UNC13C: variants seen among roughly 807,000 people sequenced by gnomAD.
The protein encoded by UNC13C is unc-13 homolog C.
In UNC13C, 174 loss-of-function variants were observed where a neutral mutation model predicts 245.4. The observed-to-expected ratio is 0.71, with a 90% CI of 0.63 to 0.80. The LOEUF (loss-of-function observed/expected upper bound fraction) is 0.80, where lower values mean the gene tolerates loss of function less well. UNC13C is among the 30% of genes least tolerant of loss of function. The pLI is 0.00. For missense variants in UNC13C, 2,829 were observed against 2,602.9 expected (o/e 1.09, Z -1.89); for synonymous variants, 992 against 895.1 (o/e 1.11, Z -1.93).
chr15:53,898,497 TC>T, the UNC13C span, among the ~76,000 whole-genome samples: 1 of 151,946 alleles, frequency 6.6e-6, no homozygotes, highest in African/African-American at 2.4e-5. Flanking sequence ...ATCAAACATT[TC>T]CCCAAACAGT....
intron 19 of UNC13C, among the ~76,000 whole-genome samples, chr15:54,417,591 T>C (rs1192750422): frequency 6.6e-6 from 1 of 152,202 alleles, no homozygotes; most frequent in Non-Finnish European, 1.5e-5. Flanking sequence ...CATATTTAAC[T>C]ATGATTCAGC....
At chr15:54,171,743 C>T (rs1053608705) in intron 4 of UNC13C, among the ~76,000 whole-genome samples, 2 of 152,018 alleles carry the variant, frequency 1.3e-5, no homozygotes, top group African/African-American at 4.8e-5. Flanking sequence ...TCCAGCAATC[C>T]CACTGCTAGG....
At chr15:54,126,425 G>A (rs981176722) in intron 2 of UNC13C, among the ~76,000 whole-genome samples, 20 of 151,946 alleles carry the variant, frequency 1.3e-4, no homozygotes, top group African/African-American at 2.9e-4. Flanking sequence ...AGAAGACATC[G>A]CAACAAAAAT....
At chr15:53,953,084 CA>C in the UNC13C span, among the ~76,000 whole-genome samples, 3 of 152,192 alleles carry the variant, frequency 2.0e-5, no homozygotes, top group Non-Finnish European at 4.4e-5. Flanking sequence ...CAGCTGCTTT[CA>C]GGGGGTAATT....
At chr15:54,102,428 T>C (rs1900211440) in intron 2 of UNC13C, among the ~76,000 whole-genome samples, 1 of 152,204 alleles carries the variant, frequency 6.6e-6, no homozygotes, top group Admixed American at 6.5e-5. Flanking sequence ...GCAGACTTGC[T>C]GCTGTACGAC....
intron 4 of UNC13C, among the ~76,000 whole-genome samples, chr15:54,147,833 G>A (rs1276286615): frequency 1.0e-5 from 1 of 97,344 alleles, no homozygotes; most frequent in Non-Finnish European, 2.5e-5. Context: ...TATTCTCTAA[G>A]CACCAGACTT....
chr15:54,533,716 C>G (rs1356126083), intron 26 of UNC13C, among the ~76,000 whole-genome samples: 1 of 152,108 alleles, frequency 6.6e-6, no homozygotes, highest in Non-Finnish European at 1.5e-5. Context: ...GTTGGTTGCT[C>G]TGTTTGTTTT....
intron 22 of UNC13C, among the ~76,000 whole-genome samples, chr15:54,503,196 C>T (rs1894305892): frequency 6.6e-6 from 1 of 151,928 alleles, no homozygotes; most frequent in Non-Finnish European, 1.5e-5. Flanking sequence ...CAATTGTCAG[C>T]AGGATATAGT....
At chr15:54,024,962 T>C (rs1304851584) in intron 2 of UNC13C, among the ~76,000 whole-genome samples, 1 of 152,148 alleles carries the variant, frequency 6.6e-6, no homozygotes, top group Non-Finnish European at 1.5e-5. Context: ...GGAATTTTGC[T>C]AACCACTTCA....
chr15:53,973,226 G>T (rs563234117), upstream of UNC13C, among the ~76,000 whole-genome samples: 1 of 151,962 alleles, frequency 6.6e-6, no homozygotes, highest in African/African-American at 2.4e-5. Flanking sequence ...CTCTGGAAAC[G>T]TCGCCATTAT....
At chr15:54,489,647 G>A (rs574563600) in intron 19 of UNC13C, among the ~76,000 whole-genome samples, 2 of 152,306 alleles carry the variant, frequency 1.3e-5, no homozygotes, top group South Asian at 2.1e-4. Flanking sequence ...CAGCAAGGAA[G>A]GCTGGAAAAT....
chr15:53,988,934 T>C (rs1211534909), intron 1 of UNC13C, among the ~76,000 whole-genome samples: 2 of 151,964 alleles, frequency 1.3e-5, no homozygotes, highest in African/African-American at 4.8e-5. Context: ...TATCTCCATA[T>C]TGTCAGTATT....
intron 19 of UNC13C, among the ~76,000 whole-genome samples, chr15:54,438,576 C>A (rs980868736): frequency 6.6e-6 from 1 of 151,920 alleles, no homozygotes; most frequent in Non-Finnish European, 1.5e-5. Context: ...GCAGAGCATA[C>A]CTTAATGTTT....
chr15:54,188,153 T>C (rs768999199), intron 4 of UNC13C, among the ~76,000 whole-genome samples: 36 of 152,142 alleles, frequency 2.4e-4, no homozygotes, highest in Admixed American at 6.5e-5. Context: ...TGCTCCTCAG[T>C]ATCTAGAAGA....
chr15:53,944,154 A>G, the UNC13C span, among the ~76,000 whole-genome samples: 117 of 152,258 alleles, frequency 7.7e-4, no homozygotes, highest in Non-Finnish European at 1.5e-3. Context: ...TATGTCTGCC[A>G]TCTAAGATGC....
intron 4 of UNC13C, among the ~76,000 whole-genome samples, chr15:54,205,054 C>G (rs1279994723): frequency 6.6e-6 from 1 of 151,902 alleles, no homozygotes; most frequent in Non-Finnish European, 1.5e-5. Context: ...TAATGGTTTC[C>G]TAATCCTGAC....
intron 4 of UNC13C, among the ~76,000 whole-genome samples, 170 bp downstream of exon 4, chr15:54,143,854 T>C (rs1300287145): frequency 1.3e-5 from 2 of 151,958 alleles, no homozygotes; most frequent in Non-Finnish European, 2.9e-5. Context: ...ATGTAATACA[T>C]GTTAACTATA....
chr15:54,510,031 A>T (rs796607756), intron 23 of UNC13C, among the ~76,000 whole-genome samples: 2 of 152,182 alleles, frequency 1.3e-5, no homozygotes, highest in African/African-American at 4.8e-5. Flanking sequence ...CATCATAGTA[A>T]GAAGAGTTGG....
intron 10 of UNC13C, among the ~76,000 whole-genome samples, chr15:54,285,766 A>G (rs990182045): frequency 2.0e-5 from 3 of 152,054 alleles, no homozygotes; most frequent in Non-Finnish European, 4.4e-5. Context: ...CACAAATTCT[A>G]TCACCTATAT....
Sources: gnomAD v4.1 joint callset for allele counts (sites outside exome capture counted in the v4.1 genomes callset) on GRCh38, gnomAD v4.1.1 for gene constraint, MANE v1.5 for transcripts, NCBI Gene and HGNC (gene_info 2026-07-23, HGNC 2026-07-21) for gene names.